The following GRID1 variants were observed in gnomAD, a reference collection of about 807,000 sequenced individuals.
The protein encoded by GRID1 is glutamate ionotropic receptor delta type subunit 1, also known as glutamate receptor ionotropic, delta-1.
GRID1 carries 28 observed loss-of-function variants against 98.0 expected under a neutral mutation model. The observed-to-expected ratio is 0.29, with a 90% CI of 0.21 to 0.39. The LOEUF (loss-of-function observed/expected upper bound fraction) is 0.39, where lower values mean the gene tolerates loss of function less well. Ranked by LOEUF, GRID1 falls within the 10% of genes least tolerant of loss-of-function variation. The probability of loss-of-function intolerance (pLI) is 1.00; values close to 1 mark genes in which losing one functional copy is unlikely to be tolerated. For missense variants in GRID1, 1,111 were observed against 1,340.5 expected (o/e 0.83, Z 2.67); for synonymous variants, 553 against 538.5 (o/e 1.03, Z -0.37).
At chr10:86,028,179 T>C (rs1393246355) in intron 4 of GRID1, among the ~76,000 whole-genome samples, 3 of 152,196 alleles carry the variant, frequency 2.0e-5, no homozygotes, top group Admixed American at 1.3e-4. Flanking sequence ...GACAAATAAT[T>C]ATGAGCAAGG....
chr10:86,089,659 A>C (rs1307895628), intron 4 of GRID1, among the ~76,000 whole-genome samples: 4 of 152,200 alleles, frequency 2.6e-5, no homozygotes, highest in African/African-American at 9.6e-5. Context: ...AAATGCTTCC[A>C]TGGGCAATTG....
intron 3 of GRID1, among the ~76,000 whole-genome samples, chr10:86,164,144 A>T (rs1461697544): frequency 6.6e-6 from 1 of 152,152 alleles, no homozygotes; most frequent in Non-Finnish European, 1.5e-5. Flanking sequence ...TGAATAGATT[A>T]CCCGCTTCAA....
chr10:86,170,238 G>A (rs1845463625), intron 3 of GRID1, among the ~76,000 whole-genome samples: 1 of 152,154 alleles, frequency 6.6e-6, no homozygotes, highest in East Asian at 1.9e-4. Context: ...AGCATCTGGG[G>A]GTGTCAGCTC....
intron 2 of GRID1, among the ~76,000 whole-genome samples, chr10:86,330,930 G>A (rs547761322): frequency 5.9e-5 from 9 of 152,302 alleles, no homozygotes; most frequent in South Asian, 2.1e-4. Context: ...GCAAGTTCCC[G>A]CAGCCAAGGG....
intron 2 of GRID1, among the ~76,000 whole-genome samples, chr10:86,226,017 T>C (rs984185584): frequency 2.0e-5 from 3 of 151,990 alleles, no homozygotes; most frequent in Non-Finnish European, 4.4e-5. Flanking sequence ...ATTCAATTAA[T>C]AGTCACCTAA....
intron 4 of GRID1, among the ~76,000 whole-genome samples, chr10:85,983,204 T>C (rs1189315302): frequency 1.3e-5 from 2 of 152,182 alleles, no homozygotes; most frequent in Non-Finnish European, 2.9e-5. Context: ...ACAGCCTCTG[T>C]TGAGTTCATG....
intron 2 of GRID1, among the ~76,000 whole-genome samples, chr10:86,216,606 G>A (rs1028494367): frequency 6.6e-6 from 1 of 152,234 alleles, no homozygotes; most frequent in African/African-American, 2.4e-5. Flanking sequence ...TGCCCAAGAA[G>A]GAGGGAGTGG....
intron 12 of GRID1, among the ~76,000 whole-genome samples, chr10:85,651,820 C>T (rs753629357): frequency 7.2e-4 from 109 of 152,178 alleles, no homozygotes; most frequent in Non-Finnish European, 1.2e-3. Context: ...CTTCTGTTTG[C>T]TGCCTATCTT....
intron 15 of GRID1, among the ~76,000 whole-genome samples, chr10:85,603,576 G>A (rs1842613776): frequency 6.6e-6 from 1 of 152,232 alleles, no homozygotes; most frequent in Non-Finnish European, 1.5e-5. Flanking sequence ...TCCCTACAAT[G>A]TCAGAATAAT....
At chr10:85,604,731 A>G (rs971497379) in intron 15 of GRID1, among the ~76,000 whole-genome samples, 1 of 152,132 alleles carries the variant, frequency 6.6e-6, no homozygotes, top group Non-Finnish European at 1.5e-5. Flanking sequence ...GTTCTGTTCA[A>G]CTTTGCTACT....
intron 2 of GRID1, among the ~76,000 whole-genome samples, chr10:86,228,763 C>T (rs954399766): frequency 6.6e-6 from 1 of 152,160 alleles, no homozygotes; most frequent in Non-Finnish European, 1.5e-5. Context: ...AGCTGGGTCA[C>T]CCCTCAGGAA....
chr10:85,739,298 G>A (rs150196820), intron 8 of GRID1, among the ~76,000 whole-genome samples: 218 of 152,188 alleles, frequency 1.4e-3, no homozygotes, highest in African/African-American at 5.0e-3. Flanking sequence ...ATAACATTAT[G>A]GCCGGGCACA....
At chr10:85,652,366 T>G (rs1843283192) in intron 12 of GRID1, among the ~76,000 whole-genome samples, 1 of 152,226 alleles carries the variant, frequency 6.6e-6, no homozygotes, top group South Asian at 2.1e-4. Context: ...GATAAACACT[T>G]GTAACAAGAG....
chr10:86,077,879 A>G (rs1039915966), intron 4 of GRID1, among the ~76,000 whole-genome samples: 4 of 152,266 alleles, frequency 2.6e-5, no homozygotes, highest in African/African-American at 9.6e-5. Context: ...GACTGAAGGG[A>G]CAGTGACAGT....
At chr10:85,897,057 C>T (rs1256249977) in intron 5 of GRID1, among the ~76,000 whole-genome samples, 1 of 152,118 alleles carries the variant, frequency 6.6e-6, no homozygotes, top group Admixed American at 6.6e-5. Context: ...AGACACAAAA[C>T]TGAACATAAC....
intron 2 of GRID1, among the ~76,000 whole-genome samples, chr10:86,268,317 G>C (rs1333545089): frequency 1.3e-5 from 2 of 152,224 alleles, no homozygotes. Context: ...GCTGGTTCCA[G>C]CTTCCCGGTT....
At chr10:85,979,274 A>G (rs1449345639) in intron 4 of GRID1, among the ~76,000 whole-genome samples, 1 of 152,152 alleles carries the variant, frequency 6.6e-6, no homozygotes, top group Non-Finnish European at 1.5e-5. Context: ...CATCTCCACC[A>G]GTGGGACCCA....
At chr10:86,046,442 T>C (rs986402555) in intron 4 of GRID1, among the ~76,000 whole-genome samples, 1 of 152,196 alleles carries the variant, frequency 6.6e-6, no homozygotes, top group Non-Finnish European at 1.5e-5. Flanking sequence ...GGAACCTTCA[T>C]GAGCTAAGCC....
intron 2 of GRID1, among the ~76,000 whole-genome samples, chr10:86,283,826 T>C (rs1235295299): frequency 2.0e-5 from 3 of 146,938 alleles, no homozygotes; most frequent in East Asian, 4.1e-4. Context: ...ACATCTGCCC[T>C]CACATACAAA....
Sources: gnomAD v4.1 joint callset for allele counts (sites outside exome capture counted in the v4.1 genomes callset) on GRCh38, gnomAD v4.1.1 for gene constraint, MANE v1.5 for transcripts, NCBI Gene and HGNC (gene_info 2026-07-23, HGNC 2026-07-21) for gene names.